OSTF1: variants seen among roughly 807,000 people sequenced by gnomAD.
The protein encoded by OSTF1 is osteoclast stimulating factor 1, also known as osteoclast-stimulating factor 1.
OSTF1 carries 27 observed loss-of-function variants against 37.2 expected under a neutral mutation model. The ratio of observed to expected loss-of-function variants is 0.73; its 90% CI spans 0.54 to 1.00. The LOEUF is 1.00. Among genes scored for constraint, OSTF1 ranks in the 50% least tolerant of loss-of-function variants. OSTF1 has a pLI of 0.00. For synonymous variants in OSTF1, 82 were observed against 89.2 expected (o/e 0.92, Z 0.46); for missense variants, 232 against 253.8 (o/e 0.91, Z 0.58).
chr9:75,128,010 G>A (rs1825687664), intron 3 of OSTF1, among the ~76,000 whole-genome samples: 1 of 151,888 alleles, frequency 6.6e-6, no homozygotes, highest in Non-Finnish European at 1.5e-5. Flanking sequence ...CTCAATTTCA[G>A]ATAAAAAGTT....
At position 75,141,036 on chromosome 9, in the gene OSTF1, T is replaced by C. The variant is rs1032449791; in HGVS notation, c.586+104T>C. The C allele has an allele frequency of 9.2e-6, 7 of 764,794 alleles. No homozygotes were observed. In the African/African-American group the frequency reaches 1.2e-4, roughly 13 times the overall value. The allele number at this position is 764,794 out of a possible 1,614,324, so 47.4% of individuals were successfully genotyped here. A position where few individuals can be genotyped will look rare whatever the true frequency, so the allele number is the denominator to read the frequency against. ...AAACTCAGCTGAGTGCAGTGGCTTA[T>C]ACCTGTAATCCCAGCACTTTGGGAG... On this transcript the variant is annotated intron_variant, in intron 9 of 9. Coordinates refer to ENST00000346234, the MANE Select transcript of OSTF1 (RefSeq NM_012383.5).
intron 1 of OSTF1, among the ~76,000 whole-genome samples, chr9:75,114,958 T>A (rs985268351): frequency 6.6e-5 from 10 of 152,246 alleles, no homozygotes; most frequent in Admixed American, 6.5e-4. Flanking sequence ...GGCACTGTGG[T>A]AGGCACTCGG....
At position 75,128,606 on chromosome 9, in the gene OSTF1, A is replaced by ATATATATATATATT. The variant is rs536160607; in HGVS notation, c.132+988_132+989insATATATATATATTT. 2.0e-5 allele frequency among the ~76,000 whole-genome samples: 2 copies of ATATATATATATATT among 99,796 alleles called. 1 individual carries two copies. Among genetic ancestry groups the ATATATATATATATT allele is most frequent in the African/African-American group, 7.0e-5 (2 of 28,472 alleles). 65.5% of individuals were successfully genotyped at this position (99,796 alleles called of 152,430 possible). On this transcript the variant is annotated intron_variant, in intron 3 of 9. Coordinates refer to ENST00000346234, the MANE Select transcript of OSTF1 (RefSeq NM_012383.5). The stretch of plus-strand genomic sequence containing the variant: ...CATATATATATATATATATATATAT[A>ATATATATATATATT]TTTTGTCCATATATATATATGGACA...
At chr9:75,140,481 C>G (rs1174242473) in intron 8 of OSTF1, among the ~76,000 whole-genome samples, 1 of 152,180 alleles carries the variant, frequency 6.6e-6, no homozygotes, top group Non-Finnish European at 1.5e-5. Flanking sequence ...CCCTCAAGCA[C>G]TATCCACTTG....
intron 8 of OSTF1, among the ~76,000 whole-genome samples, chr9:75,139,547 G>A (rs564726398): frequency 6.6e-6 from 1 of 152,222 alleles, no homozygotes; most frequent in Admixed American, 6.5e-5. Context: ...TCATGCCTCA[G>A]TCTCCCAAGT....
intron 9 of OSTF1, among the ~76,000 whole-genome samples, chr9:75,145,158 TCTAC>T (rs1460548125): frequency 1.1e-4 from 7 of 61,834 alleles, no homozygotes; most frequent in East Asian, 6.7e-4. Flanking sequence ...TATCTATCTA[TCTAC>T]CTATCTATCT....
intron 2 of OSTF1, among the ~76,000 whole-genome samples, chr9:75,120,098 G>A (rs1825555402): frequency 6.6e-6 from 1 of 152,058 alleles, no homozygotes; most frequent in South Asian, 2.1e-4. Context: ...AACTTATGAT[G>A]AACCCAATAA....
chr9:75,130,825 C>T (rs1044492023), intron 4 of OSTF1, among the ~76,000 whole-genome samples, 184 bp downstream of exon 4: 1 of 152,146 alleles, frequency 6.6e-6, no homozygotes, highest in Non-Finnish European at 1.5e-5. Context: ...TTGAGCCTGA[C>T]TCTGTGGCCT....
rs146452341 is a variant in OSTF1 at position 75,140,859 on chromosome 9, T to C, written c.513T>C (p.Ile171=). The C allele has an allele frequency of 6.2e-7, 1 of 1,613,654 alleles. No individual in the cohort carries two copies. Among genetic ancestry groups the C allele is most frequent in the Non-Finnish European group, 8.5e-7 (1 of 1,179,656 alleles). The part of the protein sequence containing the change: ...AKGARTDLRN[I]EKKLAFDMAT... ...GTGCTAGAACAGACTTAAGAAACATTGAGAAGAAGCTGGCCTTCGACATGG... is the reference window on the plus strand; with the variant it reads ...GTGCTAGAACAGACTTAAGAAACATCGAGAAGAAGCTGGCCTTCGACATGG... The change falls in exon 9 of 10, where the codon ATT becomes ATC. Residue 171 remains isoleucine (I), a synonymous_variant. Transcript: ENST00000346234.
intron 1 of OSTF1, among the ~76,000 whole-genome samples, chr9:75,097,835 G>A (rs1330997061): frequency 2.0e-5 from 3 of 149,684 alleles, no homozygotes; most frequent in African/African-American, 7.4e-5. Flanking sequence ...TAAGTCACTA[G>A]ACTACTTTAT....
At chr9:75,092,630 T>C (rs1349879036) in intron 1 of OSTF1, among the ~76,000 whole-genome samples, 3 of 152,194 alleles carry the variant, frequency 2.0e-5, no homozygotes, top group Non-Finnish European at 4.4e-5. Flanking sequence ...AACTAAAATA[T>C]AGGAATCATC....
At chr9:75,137,086 C>A (rs1393788591) in intron 7 of OSTF1, among the ~76,000 whole-genome samples, 3 of 152,184 alleles carry the variant, frequency 2.0e-5, no homozygotes, top group African/African-American at 7.2e-5. Context: ...AATCTGTCAT[C>A]ATTATTGGGT....
chr9:75,096,079 G>A (rs1202183871), intron 1 of OSTF1, among the ~76,000 whole-genome samples: 5 of 152,124 alleles, frequency 3.3e-5, no homozygotes, highest in African/African-American at 7.2e-5. Flanking sequence ...TTTTAGTAGA[G>A]TCAGGGTTTC....
At chr9:75,100,422 G>GT (rs577059049) in intron 1 of OSTF1, among the ~76,000 whole-genome samples, 217 of 148,486 alleles carry the variant, frequency 1.5e-3, no homozygotes, top group Middle Eastern at 3.5e-3. Flanking sequence ...GTGAAAAAGA[G>GT]TTTTTTTTTT....
intron 2 of OSTF1, among the ~76,000 whole-genome samples, chr9:75,118,212 C>G (rs1466093054): frequency 6.6e-6 from 1 of 152,152 alleles, no homozygotes; most frequent in Non-Finnish European, 1.5e-5. Context: ...GAAAAGAGTG[C>G]TGTCTTCAAT....
chr9:75,116,074 A>G (rs1171339181), intron 1 of OSTF1, among the ~76,000 whole-genome samples: 2 of 152,108 alleles, frequency 1.3e-5, no homozygotes, highest in African/African-American at 4.8e-5. Context: ...ACTGCACTCC[A>G]GCCTGGGCGA....
chr9:75,109,976 C>T (rs1399524565), intron 1 of OSTF1, among the ~76,000 whole-genome samples: 1 of 152,100 alleles, frequency 6.6e-6, no homozygotes, highest in African/African-American at 2.4e-5. Context: ...CTCATATACC[C>T]CTGCTGCCAC....
At chr9:75,143,940 G>A (rs2118644572) in intron 9 of OSTF1, among the ~76,000 whole-genome samples, 1 of 152,344 alleles carries the variant, frequency 6.6e-6, no homozygotes, top group Non-Finnish European at 1.5e-5. Context: ...CTCAGTCAGA[G>A]TCTGCACTGT....
At chr9:75,132,449 T>C (rs931436082) in intron 5 of OSTF1, among the ~76,000 whole-genome samples, 1 of 152,120 alleles carries the variant, frequency 6.6e-6, no homozygotes, top group African/African-American at 2.4e-5. Flanking sequence ...TCTGGAGACA[T>C]GTTGACTGTC....
Sources: allele counts gnomAD v4.1 joint callset (sites outside exome capture counted in the v4.1 genomes callset), GRCh38; gene constraint gnomAD v4.1.1; transcripts MANE v1.5; gene names NCBI Gene and HGNC (gene_info 2026-07-23, HGNC 2026-07-21).